Variants in PROS1 observed in about 807,000 individuals in gnomAD.
The protein encoded by PROS1 is vitamin K-dependent protein S.
PROS1 carries 29 observed loss-of-function variants against 75.9 expected under a neutral mutation model. The ratio of observed to expected loss-of-function variants is 0.38; its 90% confidence interval spans 0.28 to 0.52. The LOEUF is 0.52. Among genes scored for constraint, PROS1 ranks in the 20% least tolerant of loss-of-function variants. The probability of loss-of-function intolerance (pLI) is 0.83; values close to 1 mark genes in which losing one functional copy is unlikely to be tolerated. For missense variants in PROS1, 680 were observed against 810.3 expected (o/e 0.84, Z 1.95); for synonymous variants, 245 against 280.6 (o/e 0.87, Z 1.27).
intron 1 of PROS1, among the ~76,000 whole-genome samples, chr3:93,963,483 C>T (rs1277661692): frequency 2.0e-5 from 3 of 152,154 alleles, no homozygotes; most frequent in Non-Finnish European, 4.4e-5. Flanking sequence ...TAATCTCTGG[C>T]TTACAGATGT....
intron 1 of PROS1, among the ~76,000 whole-genome samples, chr3:93,969,118 TTTTC>T (rs1709833285): frequency 6.7e-6 from 1 of 148,446 alleles, no homozygotes; most frequent in African/African-American, 2.5e-5. Flanking sequence ...TTTGCTTTTG[TTTTC>T]TTTTTTTTTT....
At chr3:93,943,792 G>C (rs1334616477) in intron 1 of PROS1, among the ~76,000 whole-genome samples, 1 of 152,160 alleles carries the variant, frequency 6.6e-6, no homozygotes, top group African/African-American at 2.4e-5. Flanking sequence ...AAAATGGCCT[G>C]TTCCTGCCTT....
chr3:93,890,354 T>A (rs1165707527), intron 10 of PROS1, among the ~76,000 whole-genome samples: 1 of 152,210 alleles, frequency 6.6e-6, no homozygotes, highest in Non-Finnish European at 1.5e-5. Context: ...GGACTCTTTA[T>A]CAGTAGTTTC....
chr3:93,884,167 A>T (rs555188410), intron 12 of PROS1, among the ~76,000 whole-genome samples: 2 of 152,340 alleles, frequency 1.3e-5, no homozygotes, highest in East Asian at 3.9e-4. Context: ...ACCAAAAATT[A>T]CATGGTACAC....
chr3:93,969,687 G>A (rs899518342), intron 1 of PROS1, among the ~76,000 whole-genome samples: 1 of 152,072 alleles, frequency 6.6e-6, no homozygotes, highest in Non-Finnish European at 1.5e-5. Flanking sequence ...TGTAGGCCTG[G>A]CTTCTGTAGG....
chr3:93,896,771 A>G lies in PROS1; in HGVS notation c.850-80T>C, dbSNP rs1708507940. 2.8e-6 allele frequency: 3 copies of G among 1,078,896 alleles called. No homozygotes were observed. In the Admixed American group the frequency reaches 5.2e-5, roughly 19 times the overall value. The allele number at this position is 1,078,896 out of a possible 1,614,324, so 66.8% of individuals were successfully genotyped here. ...GCTTAATGTTTGTGTGAGGTCATGC[A>G]TTTTTGTTTGGTTACTAATGTATCA... On this transcript the variant is annotated intron_variant, in intron 8 of 14. Coordinates refer to ENST00000394236, the MANE Select transcript of PROS1 (RefSeq NM_000313.4).
intron 1 of PROS1, among the ~76,000 whole-genome samples, chr3:93,969,235 C>G (rs1310915245): frequency 6.6e-6 from 1 of 151,052 alleles, no homozygotes; most frequent in Non-Finnish European, 1.5e-5. Flanking sequence ...TTGATGATAC[C>G]TAGGAAATGG....
chr3:93,913,207 C>A (rs1708786682), intron 3 of PROS1, among the ~76,000 whole-genome samples: 2 of 152,140 alleles, frequency 1.3e-5, no homozygotes, highest in Admixed American at 6.5e-5. Flanking sequence ...CTTCCTGCTG[C>A]CTTGTGAAGA....
At chr3:93,927,873 A>G (rs184567964) in intron 1 of PROS1, among the ~76,000 whole-genome samples, 13,004 of 123,986 alleles carry the variant, frequency 0.1, 1,540 homozygotes, top group African/African-American at 0.3. Flanking sequence ...ATATATATAT[A>G]TGTGTGTATG....
At chr3:93,924,898 G>A (rs899400002) in intron 2 of PROS1, among the ~76,000 whole-genome samples, 3 of 151,872 alleles carry the variant, frequency 2.0e-5, no homozygotes, top group South Asian at 2.1e-4. Context: ...CAAACTCCTG[G>A]GCTCAAGCGA....
At chr3:93,935,193 G>T (rs939171820) in intron 1 of PROS1, among the ~76,000 whole-genome samples, 4 of 152,158 alleles carry the variant, frequency 2.6e-5, no homozygotes, top group Admixed American at 6.5e-5. Context: ...CAAGGATAAA[G>T]AAGGAATTTT....
chr3:93,928,170 A>G (rs952375253), intron 1 of PROS1, among the ~76,000 whole-genome samples: 2 of 149,466 alleles, frequency 1.3e-5, no homozygotes, highest in Non-Finnish European at 3.0e-5. Flanking sequence ...ATGCGCCACC[A>G]CATAAAAAAT....
intron 3 of PROS1, among the ~76,000 whole-genome samples, chr3:93,922,724 A>G (rs1040055096): frequency 1.2e-4 from 19 of 152,224 alleles, no homozygotes; most frequent in African/African-American, 3.9e-4. Flanking sequence ...CCATTGGCCT[A>G]TAGAATATAC....
chr3:93,947,834 C>T (rs183279033), intron 1 of PROS1, among the ~76,000 whole-genome samples: 9 of 152,174 alleles, frequency 5.9e-5, no homozygotes, highest in Non-Finnish European at 1.2e-4. Flanking sequence ...CTCAAAGTTG[C>T]TGGAATTACA....
chr3:93,919,991 C>A (rs1046252201), intron 3 of PROS1, among the ~76,000 whole-genome samples: 10 of 152,064 alleles, frequency 6.6e-5, no homozygotes, highest in Non-Finnish European at 1.2e-4. Context: ...TAAGATATTT[C>A]TCTCTTTTGT....
intron 6 of PROS1, among the ~76,000 whole-genome samples, chr3:93,905,529 C>T (rs556048458): frequency 2.0e-5 from 3 of 152,110 alleles, no homozygotes; most frequent in Non-Finnish European, 4.4e-5. Flanking sequence ...CAATTAAGCT[C>T]GGGAGGTCAA....
chr3:93,928,643 C>T lies in PROS1; in HGVS notation c.77-1236G>A. The stretch of plus-strand genomic sequence containing the variant: ...TGTGGAGATTGTTGTTGAACAGCAA[C>T]AATAAAAATAACATAACAAAGTTCA... On this transcript the variant is annotated intron_variant, in intron 1 of 14. Coordinates refer to ENST00000394236, the MANE Select transcript of PROS1 (RefSeq NM_000313.4). 7.7e-6 allele frequency: 5 copies of T among 648,626 alleles called. No homozygotes were observed. In the South Asian group the frequency reaches 9.1e-5, roughly 12 times the overall value. 40.2% of individuals were successfully genotyped at this position (648,626 alleles called of 1,614,324 possible). A position where few individuals can be genotyped will look rare whatever the true frequency, so the allele number is the denominator to read the frequency against.
intron 1 of PROS1, among the ~76,000 whole-genome samples, chr3:93,957,468 G>A (rs1197897779): frequency 6.6e-6 from 1 of 152,138 alleles, no homozygotes; most frequent in Admixed American, 6.5e-5. Context: ...AGCAGTGTAA[G>A]CCAGGGAAAG....
chr3:93,947,971 C>T lies in PROS1; in HGVS notation c.77-20564G>A, dbSNP rs148966449. On this transcript the variant is annotated intron_variant, in intron 1 of 14. Coordinates refer to ENST00000394236, the MANE Select transcript of PROS1 (RefSeq NM_000313.4). Reference sequence around the variant, plus strand: ...CTAAATAGAAGCCTGGTTATTGATACATGTGCCCAGTTATAGGACTGATAA... The same window carrying T: ...CTAAATAGAAGCCTGGTTATTGATATATGTGCCCAGTTATAGGACTGATAA... Among the ~76,000 whole-genome samples the T allele has an allele frequency of 1.1e-3, 167 of 152,294 alleles. 1 individual carries two copies. The highest frequency in any genetic ancestry group is 3.7e-3 in the African/African-American group (154 of 41,560).
Sources: allele counts gnomAD v4.1 joint callset (sites outside exome capture counted in the v4.1 genomes callset), GRCh38; gene constraint gnomAD v4.1.1; transcripts MANE v1.5; gene names NCBI Gene and HGNC (gene_info 2026-07-23, HGNC 2026-07-21).